ATP2C2: variants seen among roughly 807,000 people sequenced by gnomAD.
ATP2C2 encodes the protein calcium-transporting ATPase type 2C member 2.
Under a neutral mutation model 110.8 loss-of-function variants are expected in ATP2C2, and 171 were observed. That is an observed-to-expected ratio of 1.54 (90% CI 1.36 to 1.75). The LOEUF (loss-of-function observed/expected upper bound fraction) is 1.75. Ranked by LOEUF, ATP2C2 falls within the 40% of genes most tolerant of loss-of-function variation. The pLI is 0.00. For synonymous variants in ATP2C2, 804 were observed against 508.4 expected (o/e 1.58, Z -7.82); for missense variants, 1,963 against 1,235.0 (o/e 1.59, Z -8.84).
At chr16:84,408,592 T>A in intron 4 of ATP2C2, 98 bp downstream of exon 4, 1 of 953,772 alleles carries the variant, frequency 1.0e-6, no homozygotes, top group Non-Finnish European at 1.6e-6. Context: ...GAGTTTGCTG[T>A]AGGGGGGAAA....
chr16:84,459,581 C>A (rs760080919), intron 23 of ATP2C2, 195 bp downstream of exon 23: 1 of 1,536,154 alleles, frequency 6.5e-7, no homozygotes, highest in African/African-American at 1.4e-5. Context: ...GTACCTGGGC[C>A]GGCAGAGCTG....
intron 6 of ATP2C2, among the ~76,000 whole-genome samples, chr16:84,414,245 A>G (rs1906636371): frequency 6.6e-6 from 1 of 152,202 alleles, no homozygotes; most frequent in African/African-American, 2.4e-5. Flanking sequence ...ACAAACGCCA[A>G]GAAAAGTATA....
At position 84,460,800 on chromosome 16, in the gene ATP2C2, A is replaced by G. The variant is rs754021593; in HGVS notation, c.2480A>G (p.Glu827Gly). 2 of 1,610,920 alleles carry G rather than the reference A, an allele frequency of 1.2e-6. No homozygotes were observed. The highest frequency in any genetic ancestry group is 2.2e-5 in the South Asian group (2 of 90,870). ...ISGTLFIFWK[E>G]MPEDRASTPR... The stretch of plus-strand genomic sequence containing the variant: ...GGGACCCTCTTTATCTTCTGGAAGG[A>G]GGTGAGCGAGGGTCACCCCGGCCTG... The change falls in exon 24 of 27, where the codon GAG becomes GGG. Residue 827 changes from glutamate to glycine, a missense_variant and splice_region_variant. Transcript: ENST00000262429.
chr16:84,451,454 G>A (rs749578933), intron 17 of ATP2C2, among the ~76,000 whole-genome samples: 17 of 152,204 alleles, frequency 1.1e-4, no homozygotes, highest in Non-Finnish European at 2.2e-4. Context: ...CCTGAGAGCC[G>A]CTGGAGGCAT....
intron 23 of ATP2C2, 180 bp from the exon 24 acceptor site, chr16:84,460,474 A>T (rs945876799): frequency 4.8e-6 from 4 of 827,274 alleles, no homozygotes; most frequent in Non-Finnish European, 8.0e-6. Flanking sequence ...CCATGGACCC[A>T]GGCTCTGGGG....
intron 4 of ATP2C2, among the ~76,000 whole-genome samples, chr16:84,410,276 A>T (rs534231683): frequency 5.2e-4 from 79 of 152,276 alleles, no homozygotes; most frequent in African/African-American, 1.8e-3. Flanking sequence ...TGTTCAGTGA[A>T]AATGGCAGTT....
chr16:84,385,610 A>C (rs1025692837), intron 1 of ATP2C2, among the ~76,000 whole-genome samples: 1 of 152,242 alleles, frequency 6.6e-6, no homozygotes, highest in South Asian at 2.1e-4. Flanking sequence ...TCTGAGACTG[A>C]GTAATTTACA....
At chr16:84,396,007 C>T (rs1057379510) in intron 1 of ATP2C2, among the ~76,000 whole-genome samples, 1 of 152,152 alleles carries the variant, frequency 6.6e-6, no homozygotes, top group Admixed American at 6.5e-5. Context: ...CCTCTGCTCT[C>T]CTTTCTGTCT....
At chr16:84,388,014 G>T (rs1904419131) in intron 1 of ATP2C2, among the ~76,000 whole-genome samples, 1 of 151,966 alleles carries the variant, frequency 6.6e-6, no homozygotes, top group Admixed American at 6.6e-5. Flanking sequence ...CCCACAGCAG[G>T]TGTGTTTTTG....
chr16:84,451,911 C>T lies in ATP2C2; in HGVS notation c.1661-10C>T. ...CCGGTGACCCCTCCTTACTCCCCCT[C>T]TCTCCTCAGTGCTGGCCCTGGCTTC... On this transcript the variant is annotated splice_polypyrimidine_tract_variant and intron_variant, in intron 17 of 26. Coordinates refer to ENST00000262429, the MANE Select transcript of ATP2C2 (RefSeq NM_014861.4). The T allele has an allele frequency of 6.2e-7, 1 of 1,610,430 alleles. No individual in the cohort carries two copies. Among genetic ancestry groups the T allele is most frequent in the East Asian group, 2.2e-5 (1 of 44,846 alleles).
At chr16:84,373,250 A>T (rs1910061120) in intron 1 of ATP2C2, among the ~76,000 whole-genome samples, 3 of 152,242 alleles carry the variant, frequency 2.0e-5, no homozygotes, top group Admixed American at 6.5e-5. Context: ...CTGTAATCCC[A>T]GCACTTTGGA....
chr16:84,387,968 C>A (rs1397954919), intron 1 of ATP2C2, among the ~76,000 whole-genome samples: 1 of 151,206 alleles, frequency 6.6e-6, no homozygotes, highest in Non-Finnish European at 1.5e-5. Context: ...CTTGTGGAGC[C>A]CTGATGGCCT....
Position 84,442,597 on chromosome 16 carries a change from A to T in ATP2C2, c.1399A>T (p.Lys467Ter). The change falls in exon 15 of 27, where the codon AAG (lysine) becomes TAG (stop). Residue 467 changes from lysine to a stop codon, truncating the protein, a stop_gained and splice_region_variant. Coordinates refer to ENST00000262429, the MANE Select transcript of ATP2C2 (RefSeq NM_014861.4). LOFTEE classifies it high-confidence loss of function. ...TEGALMALAM[K>*]MDLSDIKNSY... ...GGGTGCATTGATGGCCCTGGCGATG[A>T]AGGTAGGAGGTCCTGGGGTGGCTCT... The T allele has an allele frequency of 6.2e-7, 1 of 1,613,658 alleles. No individual in the cohort carries two copies.
chr16:84,392,423 C>G (rs1277546231), intron 1 of ATP2C2, among the ~76,000 whole-genome samples: 1 of 152,094 alleles, frequency 6.6e-6, no homozygotes, highest in African/African-American at 2.4e-5. Context: ...CTGCACTTGG[C>G]TGGGGTCTCT....
At chr16:84,453,423 C>G in intron 20 of ATP2C2, 52 bp downstream of exon 20, 1 of 1,605,774 alleles carries the variant, frequency 6.2e-7, no homozygotes. Context: ...GGGCCAGAGA[C>G]ACTGTGGCTC....
At chr16:84,449,948 G>C (rs867878902) in intron 17 of ATP2C2, among the ~76,000 whole-genome samples, 16 of 152,250 alleles carry the variant, frequency 1.1e-4, no homozygotes, top group African/African-American at 3.9e-4. Flanking sequence ...AAGTGCCTGT[G>C]TGAGGCCACG....
At position 84,459,264 on chromosome 16, in the gene ATP2C2, C is replaced by A. The variant is rs1184165368; in HGVS notation, c.2217-6C>A. On this transcript the variant is annotated splice_polypyrimidine_tract_variant and splice_region_variant and intron_variant, in intron 22 of 26. Coordinates refer to ENST00000262429, the MANE Select transcript of ATP2C2 (RefSeq NM_014861.4). ...CGGCCGCTGACTGGCTGCGTGTGCC[C>A]CGCAGGAGCATCTCCGCCCTGAGTC... 6.2e-7 allele frequency: 1 copy of A among 1,614,168 alleles called. No individual in the cohort carries two copies. The highest frequency in any genetic ancestry group is 8.5e-7 in the Non-Finnish European group (1 of 1,179,988).
chr16:84,410,165 C>T (rs1906148891), intron 4 of ATP2C2, among the ~76,000 whole-genome samples: 1 of 152,156 alleles, frequency 6.6e-6, no homozygotes, highest in Non-Finnish European at 1.5e-5. Flanking sequence ...GCCAAGATCA[C>T]ACCACTGCAC....
At chr16:84,408,761 C>T (rs1906010503) in intron 4 of ATP2C2, among the ~76,000 whole-genome samples, 2 of 151,998 alleles carry the variant, frequency 1.3e-5, no homozygotes, top group Non-Finnish European at 1.5e-5. Context: ...TTTCCCGTGA[C>T]CCTGGGATGA....
Sources: allele counts gnomAD v4.1 joint callset (sites outside exome capture counted in the v4.1 genomes callset), GRCh38; gene constraint gnomAD v4.1.1; transcripts MANE v1.5; gene names NCBI Gene and HGNC (gene_info 2026-07-23, HGNC 2026-07-21).